The following DECR1 variants were observed in gnomAD, a reference collection of about 807,000 sequenced individuals.
DECR1 encodes 2,4-dienoyl-CoA reductase 1, also known as 2,4-dienoyl-CoA reductase [(3E)-enoyl-CoA-producing], mitochondrial.
Under a neutral mutation model 38.8 loss-of-function variants are expected in DECR1, and 44 were observed. That is an observed-to-expected ratio of 1.13 (90% CI 0.89 to 1.46). DECR1 has a LOEUF of 1.46. Among genes scored for constraint, DECR1 ranks in the 40% most tolerant of loss-of-function variants. DECR1 has a pLI of 0.00. For synonymous variants in DECR1, 148 were observed against 135.2 expected, an observed-to-expected ratio of 1.09 and a Z score of -0.66; for missense variants, 428 against 405.5, an observed-to-expected ratio of 1.06 and a Z score of -0.48.
At chr8:90,010,923 C>G (rs1000489188) in intron 1 of DECR1, among the ~76,000 whole-genome samples, 2 of 151,936 alleles carry the variant, frequency 1.3e-5, no homozygotes, top group Non-Finnish European at 2.9e-5. Context: ...CTATATGATT[C>G]AGTTTTCTGT....
chr8:90,028,698 T>G (rs973060470), intron 5 of DECR1, among the ~76,000 whole-genome samples: 1 of 151,740 alleles, frequency 6.6e-6, no homozygotes, highest in Admixed American at 6.6e-5. Flanking sequence ...CCTTCCTCCC[T>G]CCTTCCCTTC....
chr8:90,033,019 A>G (rs1267875185), intron 5 of DECR1, among the ~76,000 whole-genome samples: 3 of 152,120 alleles, frequency 2.0e-5, no homozygotes, highest in Non-Finnish European at 2.9e-5. Flanking sequence ...TGATAAATCT[A>G]GGGTCCAGAG....
chr8:90,015,246 T>C (rs1248914606), intron 1 of DECR1, among the ~76,000 whole-genome samples: 1 of 152,182 alleles, frequency 6.6e-6, no homozygotes, highest in East Asian at 1.9e-4. Context: ...GTCAGACAGA[T>C]ACTGGATTTA....
chr8:90,049,650 T>A (rs891025883), intron 8 of DECR1, among the ~76,000 whole-genome samples: 27 of 152,322 alleles, frequency 1.8e-4, no homozygotes, highest in Non-Finnish European at 3.2e-4. Context: ...TACCAATGAC[T>A]TTCTTCACAG....
Position 90,052,558 on chromosome 8 carries a change from A to G in DECR1, c.*661A>G, listed in dbSNP as rs1270787069. Among the ~76,000 whole-genome samples the G allele has an allele frequency of 2.0e-5, 3 of 152,194 alleles. No homozygotes were observed. The highest frequency in any genetic ancestry group is 6.5e-5 in the Admixed American group (1 of 15,278). ...TATTATTCCAGCAGTATTTAAGTGT[A>G]GAGGAGGAAGTAATTCATTCTGTCT... On this transcript the variant is annotated 3_prime_UTR_variant, in exon 10 of 10. Transcript: ENST00000220764.
intron 1 of DECR1, among the ~76,000 whole-genome samples, chr8:90,012,020 T>C (rs1812895415): frequency 6.6e-6 from 1 of 152,226 alleles, no homozygotes; most frequent in Non-Finnish European, 1.5e-5. Context: ...TGTTTAAATA[T>C]GCTTATTTAG....
At chr8:90,022,841 A>T (rs1813200025) in intron 5 of DECR1, among the ~76,000 whole-genome samples, 2 of 151,124 alleles carry the variant, frequency 1.3e-5, no homozygotes, top group African/African-American at 2.4e-5. Context: ...TTCTTCCCTC[A>T]TTATTGTCTT....
At chr8:90,036,056 C>T (rs182718192) in intron 5 of DECR1, among the ~76,000 whole-genome samples, 2 of 152,196 alleles carry the variant, frequency 1.3e-5, no homozygotes, top group African/African-American at 4.8e-5. Context: ...AGTAGTTGTT[C>T]TTTGCCTGGC....
chr8:90,006,823 G>A (rs34394839), intron 1 of DECR1, among the ~76,000 whole-genome samples: 47,946 of 151,796 alleles, frequency 0.32, 7,661 homozygotes, highest in East Asian at 0.44. Flanking sequence ...GAGCTACTGG[G>A]GACTAAAACG....
chr8:90,047,657 T>C (rs1299764534), intron 8 of DECR1, among the ~76,000 whole-genome samples: 2 of 152,156 alleles, frequency 1.3e-5, no homozygotes, highest in Admixed American at 1.3e-4. Context: ...TATCCAGGAA[T>C]TGAACTCAGC....
Position 90,052,083 on chromosome 8 carries a change from TC to T in DECR1, c.*187del. 1 of 530,556 alleles carries T rather than the reference TC, an allele frequency of 1.9e-6. No homozygotes were observed. The highest frequency in any genetic ancestry group is 3.1e-5 in the East Asian group (1 of 31,762). 32.9% of individuals were successfully genotyped at this position (530,556 alleles called of 1,614,324 possible). A position where few individuals can be genotyped will look rare whatever the true frequency, so the allele number is the denominator to read the frequency against. The stretch of plus-strand genomic sequence containing the variant: ...GATAAATAAAATGAAATATAGTCCT[TC>T]AAAACATTAAAAAAAAAAAAAGGAG... On this transcript the variant is annotated 3_prime_UTR_variant, in exon 10 of 10. Transcript: ENST00000220764.
At chr8:90,043,730 ACTAT>A (rs1401823129) in intron 7 of DECR1, among the ~76,000 whole-genome samples, 2 of 152,224 alleles carry the variant, frequency 1.3e-5, no homozygotes, top group African/African-American at 4.8e-5. Flanking sequence ...AAACTTGTTG[ACTAT>A]CTTATTTATC....
chr8:90,028,420 A>T (rs547580112), intron 5 of DECR1, among the ~76,000 whole-genome samples: 8 of 152,170 alleles, frequency 5.3e-5, no homozygotes, highest in African/African-American at 1.9e-4. Flanking sequence ...TTTATTGAAA[A>T]AATATATGAC....
intron 1 of DECR1, 36 bp downstream of exon 1, chr8:90,001,597 G>A: frequency 6.3e-7 from 1 of 1,582,334 alleles, no homozygotes; most frequent in Non-Finnish European, 8.7e-7. Flanking sequence ...CGAGGACAGG[G>A]CGTCTCGACG....
At chr8:90,024,953 T>C (rs911785253) in intron 5 of DECR1, among the ~76,000 whole-genome samples, 4 of 152,248 alleles carry the variant, frequency 2.6e-5, no homozygotes, top group South Asian at 2.1e-4. Flanking sequence ...TAGCCAGTTT[T>C]CCCAGCACCA....
intron 8 of DECR1, among the ~76,000 whole-genome samples, chr8:90,051,181 A>C (rs887722530): frequency 1.3e-5 from 2 of 152,058 alleles, no homozygotes; most frequent in African/African-American, 4.8e-5. Context: ...AATTAAAAAA[A>C]AAAAAAGAAA....
intron 1 of DECR1, among the ~76,000 whole-genome samples, chr8:90,008,598 G>A (rs1217646970): frequency 6.6e-6 from 1 of 152,164 alleles, no homozygotes; most frequent in African/African-American, 2.4e-5. Context: ...GCAAAAATGT[G>A]ATGAAATAGA....
intron 7 of DECR1, 138 bp downstream of exon 7, chr8:90,042,938 C>A: frequency 1.5e-6 from 1 of 686,940 alleles, no homozygotes; most frequent in Non-Finnish European, 2.5e-6. Context: ...GAGGCCTTTG[C>A]CTTTATTCAT....
At position 90,042,759 on chromosome 8, in the gene DECR1, A is replaced by G; in HGVS notation, c.697A>G (p.Met233Val). Residue 233 changes from methionine (M) to valine (V), a missense_variant, in exon 7 of 10, where the codon ATG becomes GTG. Physicochemically the swap from Met to Val is conservative, Grantham distance 21. Coordinates refer to ENST00000220764, the MANE Select transcript of DECR1 (RefSeq NM_001359.2). ...TGCAGCTGAATGGGGTAAATATGGA[A>G]TGCGATTCAATGTGATTCAACCAGG... ...SLAAEWGKYG[M>V]RFNVIQPGPI... is the part of the protein sequence containing the mutation. The G allele has an allele frequency of 1.2e-6, 2 of 1,613,626 alleles. No homozygotes were observed. Among genetic ancestry groups the G allele is most frequent in the Non-Finnish European group, 1.7e-6 (2 of 1,179,636 alleles).
Sources: gnomAD v4.1 joint callset for allele counts (sites outside exome capture counted in the v4.1 genomes callset) on GRCh38, gnomAD v4.1.1 for gene constraint, MANE v1.5 for transcripts, NCBI Gene and HGNC (gene_info 2026-07-23, HGNC 2026-07-21) for gene names.